The following SAMD12 variants were observed in gnomAD, a reference collection of about 807,000 sequenced individuals.
SAMD12 encodes the protein sterile alpha motif domain-containing protein 12.
In SAMD12, 9 loss-of-function variants were observed where a neutral mutation model predicts 15.0. The observed-to-expected ratio is 0.60, with a 90% CI of 0.36 to 1.05. SAMD12 has a LOEUF of 1.05. Among genes scored for constraint, SAMD12 ranks in the 50% least tolerant of loss-of-function variants. The pLI, the probability that SAMD12 is intolerant of heterozygous loss-of-function variation, is 0.01. For missense variants in SAMD12, 230 were observed against 234.2 expected, an observed-to-expected ratio of 0.98 and a Z score of 0.12; for synonymous variants, 86 against 90.1, an observed-to-expected ratio of 0.96 and a Z score of 0.25.
At chr8:118,399,249 A>G (rs1159858324) in intron 3 of SAMD12, among the ~76,000 whole-genome samples, 1 of 151,888 alleles carries the variant, frequency 6.6e-6, no homozygotes, top group Admixed American at 6.6e-5. Flanking sequence ...AAAGAATGAA[A>G]AAGTGTGAAA....
chr8:118,298,496 C>T (rs139753385), intron 4 of SAMD12, among the ~76,000 whole-genome samples: 2 of 152,242 alleles, frequency 1.3e-5, no homozygotes, highest in East Asian at 3.9e-4. Flanking sequence ...TTCTGCCTAT[C>T]CTAGTGAACT....
intron 4 of SAMD12, among the ~76,000 whole-genome samples, chr8:118,292,063 C>T (rs1201292051): frequency 2.0e-5 from 3 of 151,264 alleles, no homozygotes; most frequent in Non-Finnish European, 4.4e-5. Context: ...TAAATGGCTG[C>T]ATGCTAGAAT....
At chr8:118,599,883 G>C (rs1022639454) in intron 1 of SAMD12, among the ~76,000 whole-genome samples, 1 of 152,066 alleles carries the variant, frequency 6.6e-6, no homozygotes, top group Non-Finnish European at 1.5e-5. Context: ...GAGCAAAAGG[G>C]AAGCCAATAG....
intron 2 of SAMD12, among the ~76,000 whole-genome samples, chr8:118,463,718 C>A (rs1218140191): frequency 6.6e-6 from 1 of 152,126 alleles, no homozygotes; most frequent in Non-Finnish European, 1.5e-5. Flanking sequence ...CCCTTAAATT[C>A]TCTCTGATTA....
At chr8:118,208,496 G>A (rs1265208373) in intron 4 of SAMD12, among the ~76,000 whole-genome samples, 1 of 152,172 alleles carries the variant, frequency 6.6e-6, no homozygotes, top group African/African-American at 2.4e-5. Context: ...TGAGTAGGAA[G>A]GAGGAGGAGT....
At chr8:118,516,776 C>G (rs1825256863) in intron 2 of SAMD12, among the ~76,000 whole-genome samples, 1 of 151,962 alleles carries the variant, frequency 6.6e-6, no homozygotes, top group African/African-American at 2.4e-5. Flanking sequence ...GTACCTGGGA[C>G]TACAGGCCCA....
the SAMD12 span, among the ~76,000 whole-genome samples, chr8:118,166,998 C>G: frequency 2.0e-5 from 3 of 152,136 alleles, no homozygotes. Context: ...CAGCCAGACA[C>G]TCTCACAAAG....
At chr8:118,396,708 C>A (rs1206606940) in intron 3 of SAMD12, among the ~76,000 whole-genome samples, 3 of 152,186 alleles carry the variant, frequency 2.0e-5, no homozygotes, top group Admixed American at 2.0e-4. Context: ...AGGAAGGCTG[C>A]GCCTGTTTAG....
chr8:118,197,812 T>G, intron 4 of SAMD12: 1 of 1,250,854 alleles, frequency 8.0e-7, no homozygotes, highest in South Asian at 1.2e-5. Flanking sequence ...ATTATCTTAT[T>G]CAAACAAACC....
At chr8:118,362,472 C>T (rs1818552576) in intron 4 of SAMD12, among the ~76,000 whole-genome samples, 2 of 152,142 alleles carry the variant, frequency 1.3e-5, no homozygotes, top group Non-Finnish European at 2.9e-5. Context: ...GATAAATGCA[C>T]ACATATGTAG....
intron 1 of SAMD12, among the ~76,000 whole-genome samples, chr8:118,591,779 TA>T (rs998117845): frequency 4.6e-5 from 7 of 152,048 alleles, no homozygotes; most frequent in Admixed American, 4.6e-4. Context: ...CTCCACCTCA[TA>T]ACATAGTTTC....
At chr8:118,619,478 C>CAAAAAAAAAAA (rs33947611) in intron 1 of SAMD12, among the ~76,000 whole-genome samples, 2 of 112,218 alleles carry the variant, frequency 1.8e-5, no homozygotes, top group Non-Finnish European at 3.5e-5. Flanking sequence ...GACTCTGTCT[C>CAAAAAAAAAAA]AAAAAAAAAA....
chr8:118,183,129 C>T, the SAMD12 span, among the ~76,000 whole-genome samples: 1 of 152,202 alleles, frequency 6.6e-6, no homozygotes, highest in Non-Finnish European at 1.5e-5. Context: ...TTTGTACAAT[C>T]TCCTGTTGTA....
chr8:118,394,630 T>C (rs981377645), intron 3 of SAMD12, among the ~76,000 whole-genome samples: 5 of 152,188 alleles, frequency 3.3e-5, no homozygotes, highest in African/African-American at 1.2e-4. Context: ...TGACTGGGTT[T>C]ACCATGTCTG....
At chr8:118,502,434 T>C (rs1005253819) in intron 2 of SAMD12, among the ~76,000 whole-genome samples, 1 of 151,996 alleles carries the variant, frequency 6.6e-6, no homozygotes, top group South Asian at 2.1e-4. Context: ...CTAATTCACA[T>C]AGACAAAAAA....
chr8:118,318,308 G>GTGTA (rs1397504090), intron 4 of SAMD12, among the ~76,000 whole-genome samples: 6 of 57,518 alleles, frequency 1.0e-4, no homozygotes, highest in African/African-American at 5.4e-4. Flanking sequence ...GGAGATATAT[G>GTGTA]TGTATATATA....
intron 2 of SAMD12, among the ~76,000 whole-genome samples, chr8:118,554,216 A>C (rs182845644): frequency 0.026 from 3,994 of 152,300 alleles, 172 homozygotes; most frequent in African/African-American, 0.088. Flanking sequence ...TCAGGCTGCT[A>C]TAAAGACACA....
intron 4 of SAMD12, among the ~76,000 whole-genome samples, chr8:118,348,462 C>G (rs543212607): frequency 4.1e-4 from 62 of 152,170 alleles, no homozygotes; most frequent in Admixed American, 9.2e-4. Context: ...GCTCCGCCCC[C>G]CGGGGTTCGT....
chr8:118,141,065 A>G, the SAMD12 span, among the ~76,000 whole-genome samples: 1 of 152,228 alleles, frequency 6.6e-6, no homozygotes, highest in African/African-American at 2.4e-5. Flanking sequence ...AATTCAACTG[A>G]CATTTATTGA....
Sources: gnomAD v4.1 joint callset for allele counts (sites outside exome capture counted in the v4.1 genomes callset) on GRCh38, gnomAD v4.1.1 for gene constraint, MANE v1.5 for transcripts, NCBI Gene and HGNC (gene_info 2026-07-23, HGNC 2026-07-21) for gene names.